The following PTPRD variants were observed in gnomAD, a reference collection of about 807,000 sequenced individuals.
The protein encoded by PTPRD is protein tyrosine phosphatase receptor type D.
PTPRD carries 34 observed loss-of-function variants against 214.5 expected under a neutral mutation model. That is an observed-to-expected ratio of 0.16 (90% CI 0.12 to 0.21). The LOEUF is 0.21. Among genes scored for constraint, PTPRD ranks in the 10% least tolerant of loss-of-function variants. PTPRD has a pLI of 1.00. For synonymous variants in PTPRD, 1,128 were observed against 845.7 expected (o/e 1.33, Z -5.79); for missense variants, 2,545 against 2,398.7 (o/e 1.06, Z -1.27).
At chr9:8,984,273 A>G (rs1281763422) in intron 11 of PTPRD, among the ~76,000 whole-genome samples, 3 of 152,108 alleles carry the variant, frequency 2.0e-5, no homozygotes, top group African/African-American at 7.2e-5. Flanking sequence ...TAGTACAATT[A>G]CTGGCATTTA....
chr9:8,941,766 T>G (rs1013795070), intron 11 of PTPRD, among the ~76,000 whole-genome samples: 2 of 151,822 alleles, frequency 1.3e-5, no homozygotes, highest in African/African-American at 4.8e-5. Flanking sequence ...AAGTAGTTGG[T>G]TAACGTAAAA....
intron 11 of PTPRD, among the ~76,000 whole-genome samples, chr9:8,988,410 G>A (rs1489242051): frequency 6.6e-6 from 1 of 151,958 alleles, no homozygotes; most frequent in Non-Finnish European, 1.5e-5. Flanking sequence ...TTTTCTTTAA[G>A]AAAAACCGTA....
intron 20 of PTPRD, 116 bp downstream of exon 20, chr9:8,521,161 C>T: frequency 8.2e-7 from 1 of 1,223,634 alleles, no homozygotes; most frequent in Non-Finnish European, 1.1e-6. Context: ...GTTATACACA[C>T]ATTTAAAATG....
chr9:8,910,384 C>A lies in PTPRD; in HGVS notation c.-104+108313G>T, dbSNP rs148616241. On this transcript the variant is annotated intron_variant, in intron 11 of 45. Transcript: ENST00000381196. ...AATGTGGCAGTATTGAGAGTGGGGC[C>A]TTTAAGAGGTGATTGGGTCATGAAG... Among the ~76,000 whole-genome samples, 472 of 152,074 alleles carry A rather than the reference C, an allele frequency of 3.1e-3. 2 individuals carry two copies. Among genetic ancestry groups the A allele is most frequent in the African/African-American group, 0.01 (425 of 41,444 alleles).
chr9:8,847,371 T>G (rs1249618419), intron 11 of PTPRD, among the ~76,000 whole-genome samples: 2 of 152,140 alleles, frequency 1.3e-5, no homozygotes, highest in African/African-American at 4.8e-5. Flanking sequence ...AAAAAACCCT[T>G]GCTACATATT....
chr9:8,361,441 T>C (rs961788560), intron 39 of PTPRD, among the ~76,000 whole-genome samples: 1 of 152,164 alleles, frequency 6.6e-6, no homozygotes, highest in African/African-American at 2.4e-5. Context: ...ATTTTGAAAC[T>C]TCATGCTATA....
intron 37 of PTPRD, among the ~76,000 whole-genome samples, chr9:8,383,429 C>A (rs1037620618): frequency 2.0e-5 from 3 of 152,164 alleles, no homozygotes; most frequent in Non-Finnish European, 4.4e-5. Context: ...CAGCATCTAA[C>A]CTGCATTCAT....
At chr9:10,411,285 G>C (rs564714460) in intron 2 of PTPRD, among the ~76,000 whole-genome samples, 1 of 151,614 alleles carries the variant, frequency 6.6e-6, no homozygotes, top group Non-Finnish European at 1.5e-5. Context: ...CTACTACTTG[G>C]CAACCAAAAT....
intron 6 of PTPRD, among the ~76,000 whole-genome samples, chr9:9,757,571 C>G (rs2761711): frequency 6.6e-6 from 1 of 151,166 alleles, no homozygotes; most frequent in East Asian, 2.1e-4. Context: ...ACATAATTAT[C>G]TCTTATTTGA....
intron 3 of PTPRD, among the ~76,000 whole-genome samples, chr9:10,279,405 A>G (rs1325387023): frequency 2.0e-5 from 3 of 152,174 alleles, no homozygotes; most frequent in Non-Finnish European, 4.4e-5. Flanking sequence ...CTACTAGCTC[A>G]TAAGACTTGG....
intron 10 of PTPRD, among the ~76,000 whole-genome samples, chr9:9,172,209 C>G (rs1329399811): frequency 6.6e-6 from 1 of 152,076 alleles, no homozygotes; most frequent in African/African-American, 2.4e-5. Flanking sequence ...CACAGAGACC[C>G]TAACACAAAA....
At position 9,208,547 on chromosome 9, in the gene PTPRD, A is replaced by G. The variant is rs79913015; in HGVS notation, c.-202-25184T>C. The stretch of plus-strand genomic sequence containing the variant: ...TTTGTGACTATGTTAATATTTACAT[A>G]TTTATCAAACTAAATTTAATAATCT... On this transcript the variant is annotated intron_variant, in intron 9 of 45. Transcript: ENST00000381196. Among the ~76,000 whole-genome samples the G allele has an allele frequency of 3.8e-3, 579 of 152,216 alleles. 7 individuals are homozygous for G. The highest frequency in any genetic ancestry group is 0.013 in the African/African-American group (538 of 41,530).
intron 12 of PTPRD, among the ~76,000 whole-genome samples, chr9:8,697,139 G>C (rs561055421): frequency 6.6e-6 from 1 of 152,176 alleles, no homozygotes; most frequent in Admixed American, 6.5e-5. Context: ...TCACGACCAT[G>C]GAACTAGGGT....
At chr9:10,514,643 G>C (rs1016295445) in intron 2 of PTPRD, among the ~76,000 whole-genome samples, 1 of 151,698 alleles carries the variant, frequency 6.6e-6, no homozygotes, top group Non-Finnish European at 1.5e-5. Context: ...AGTTAACCAA[G>C]TGACTTTTTT....
chr9:9,960,560 C>T (rs901859308), intron 4 of PTPRD, among the ~76,000 whole-genome samples: 1 of 152,064 alleles, frequency 6.6e-6, no homozygotes, highest in African/African-American at 2.4e-5. Context: ...AGCATGATAG[C>T]ATGTACTTTT....
intron 8 of PTPRD, among the ~76,000 whole-genome samples, chr9:9,537,993 C>T (rs2076859400): frequency 6.6e-6 from 1 of 151,528 alleles, no homozygotes; most frequent in Non-Finnish European, 1.5e-5. Flanking sequence ...TTACAATCTC[C>T]CCTACTACTT....
In PTPRD at chr9:9,516,575, G is replaced by A. The variant is rs112004646; in HGVS notation, c.-237+58157C>T. On this transcript the variant is annotated intron_variant, in intron 8 of 45. Transcript: ENST00000381196. ...TTTATTTGAGATGGATTCTTGCTCT[G>A]TTGCCAGGCTGGAGTGCAATGGCAC... Among the ~76,000 whole-genome samples the A allele has an allele frequency of 2.3e-3, 343 of 150,960 alleles. 1 individual carries two copies. Among genetic ancestry groups the A allele is most frequent in the African/African-American group, 7.4e-3 (304 of 41,132 alleles).
chr9:8,724,759 C>T (rs901569068), intron 12 of PTPRD, among the ~76,000 whole-genome samples: 1 of 151,762 alleles, frequency 6.6e-6, no homozygotes, highest in Non-Finnish European at 1.5e-5. Context: ...CATGAGGAAA[C>T]CCCATCTCTA....
intron 7 of PTPRD, among the ~76,000 whole-genome samples, chr9:9,715,896 A>G (rs2097815693): frequency 6.6e-6 from 1 of 152,180 alleles, no homozygotes; most frequent in African/African-American, 2.4e-5. Context: ...GTACATGTGC[A>G]CAATGTGCAG....
Sources: gnomAD v4.1 joint callset for allele counts (sites outside exome capture counted in the v4.1 genomes callset) on GRCh38, gnomAD v4.1.1 for gene constraint, MANE v1.5 for transcripts, NCBI Gene and HGNC (gene_info 2026-07-23, HGNC 2026-07-21) for gene names.